EXOC6: variants seen among roughly 807,000 people sequenced by gnomAD.
EXOC6 encodes exocyst complex component 6.
A neutral mutation model predicts 112.5 loss-of-function variants in EXOC6; 60 were observed. That is an observed-to-expected ratio of 0.53 (90% CI 0.43 to 0.66). The LOEUF is 0.66. Ranked by LOEUF, EXOC6 falls within the 30% of genes least tolerant of loss-of-function variation. EXOC6 has a pLI of 0.00. For synonymous variants in EXOC6, 295 were observed against 308.0 expected, an observed-to-expected ratio of 0.96 and a Z score of 0.44; for missense variants, 855 against 957.1, an observed-to-expected ratio of 0.89 and a Z score of 1.41.
chr10:92,903,354 T>G (rs887797957), intron 5 of EXOC6, among the ~76,000 whole-genome samples: 1 of 151,736 alleles, frequency 6.6e-6, no homozygotes, highest in Non-Finnish European at 1.5e-5. Flanking sequence ...ACTGATTGTT[T>G]ATAGATCAGA....
At chr10:92,850,731 A>C (rs895488835) in intron 1 of EXOC6, among the ~76,000 whole-genome samples, 1 of 152,188 alleles carries the variant, frequency 6.6e-6, no homozygotes, top group Non-Finnish European at 1.5e-5. Flanking sequence ...CCAAGACATC[A>C]ATTTATTCAT....
At chr10:92,973,243 C>T (rs1842368304) in intron 17 of EXOC6, among the ~76,000 whole-genome samples, 1 of 152,176 alleles carries the variant, frequency 6.6e-6, no homozygotes, top group Non-Finnish European at 1.5e-5. Flanking sequence ...TCTGTTCTGT[C>T]TGCTTTGATA....
chr10:92,848,348 C>G (rs1282988694), upstream of EXOC6: 7 of 213,714 alleles, frequency 3.3e-5, no homozygotes, highest in Non-Finnish European at 5.7e-5. Context: ...ACAGCCCCCG[C>G]TCACTCCTGC....
At chr10:92,916,967 C>CT (rs1299919614) in intron 7 of EXOC6, among the ~76,000 whole-genome samples, 177 of 141,130 alleles carry the variant, frequency 1.3e-3, no homozygotes, top group Middle Eastern at 7.3e-3. Flanking sequence ...ATTTTTCTTT[C>CT]TTTTTTTTTT....
chr10:92,930,736 T>C lies in EXOC6; in HGVS notation c.972+2314T>C, dbSNP rs146539490. Among the ~76,000 whole-genome samples the C allele has an allele frequency of 3.3e-3, 502 of 152,220 alleles. 3 individuals are homozygous for C. The highest frequency in any genetic ancestry group is 0.011 in the African/African-American group (477 of 41,530). Reference sequence around the variant, plus strand: ...ATAATGTATTTATAGTATTTTCCTATGTGAGTTACATAAAGCATGAGCCAT... The same window carrying C: ...ATAATGTATTTATAGTATTTTCCTACGTGAGTTACATAAAGCATGAGCCAT... On this transcript the variant is annotated intron_variant, in intron 9 of 21. Transcript: ENST00000260762.
intron 1 of EXOC6, among the ~76,000 whole-genome samples, chr10:92,880,203 A>C (rs1033976): frequency 0.77 from 117,227 of 152,130 alleles, 46,071 homozygotes; most frequent in East Asian, 1. Flanking sequence ...CTATGCACAT[A>C]CTCCCATGTA....
At chr10:92,903,240 C>T (rs1393626668) in intron 5 of EXOC6, among the ~76,000 whole-genome samples, 1 of 152,154 alleles carries the variant, frequency 6.6e-6, no homozygotes, top group East Asian at 1.9e-4. Context: ...TTCATTTGCT[C>T]CACATCCTTG....
rs556658723 is a variant in EXOC6 at position 92,931,026 on chromosome 10, C to T, written c.972+2604C>T. Among the ~76,000 whole-genome samples the T allele has an allele frequency of 6.2e-5, 9 of 145,636 alleles. No homozygotes were observed. The East Asian group carries it at 1.5e-3, about 24-fold the overall frequency. ...ACTAGGGAGGCTGAGGCAGGAGAATCGCTTGAACCTGGGAGGTGGAGGTTG... is the reference window on the plus strand; with the variant it reads ...ACTAGGGAGGCTGAGGCAGGAGAATTGCTTGAACCTGGGAGGTGGAGGTTG... On this transcript the variant is annotated intron_variant, in intron 9 of 21. Coordinates refer to ENST00000260762, the MANE Select transcript of EXOC6 (RefSeq NM_019053.6).
At chr10:92,968,618 ATACAGTTCTT>A (rs1842162136) in intron 17 of EXOC6, among the ~76,000 whole-genome samples, 2 of 152,184 alleles carry the variant, frequency 1.3e-5, no homozygotes, top group Non-Finnish European at 2.9e-5. Flanking sequence ...AATAGTCTCC[ATACAGTTCTT>A]TTAGTAAGAC....
chr10:92,886,848 C>T (rs1266025246), intron 1 of EXOC6, among the ~76,000 whole-genome samples: 2 of 152,214 alleles, frequency 1.3e-5, no homozygotes, highest in East Asian at 3.8e-4. Flanking sequence ...TCTTCTCATT[C>T]ACAGTACTAA....
chr10:93,026,915 G>A (rs978020027), intron 20 of EXOC6, among the ~76,000 whole-genome samples: 1 of 152,146 alleles, frequency 6.6e-6, no homozygotes, highest in Non-Finnish European at 1.5e-5. Context: ...AGAGCCACAT[G>A]TCTCTCACAA....
At chr10:93,022,466 G>C (rs1590058683) in intron 20 of EXOC6, among the ~76,000 whole-genome samples, 1 of 151,982 alleles carries the variant, frequency 6.6e-6, no homozygotes, top group Admixed American at 6.6e-5. Flanking sequence ...TTTAAAAGGG[G>C]CTTAAAATAC....
chr10:92,828,537 T>A (rs938504901), intron 1 of EXOC6, among the ~76,000 whole-genome samples: 1 of 152,164 alleles, frequency 6.6e-6, no homozygotes. Flanking sequence ...TTTCACTATG[T>A]TGGCCAGGCT....
chr10:93,021,580 A>G (rs1309373001), intron 20 of EXOC6, among the ~76,000 whole-genome samples: 3 of 152,224 alleles, frequency 2.0e-5, no homozygotes, highest in South Asian at 2.1e-4. Context: ...CTTTAGAAGG[A>G]GTTCCCTCTG....
chr10:92,827,505 A>AAAAAAAAAAC (rs1846406143), intron 1 of EXOC6, among the ~76,000 whole-genome samples: 2 of 149,662 alleles, frequency 1.3e-5, no homozygotes, highest in Non-Finnish European at 3.0e-5. Flanking sequence ...AAAAAAAAAA[A>AAAAAAAAAAC]ATCCCCATGT....
At chr10:92,896,147 GTATA>G (rs1337829493) in intron 4 of EXOC6, among the ~76,000 whole-genome samples, 1,356 of 24,386 alleles carry the variant, frequency 0.056, 122 homozygotes, top group Middle Eastern at 0.1. Context: ...GTATGTATGT[GTATA>G]TATATATATA....
chr10:92,889,299 A>G (rs1323410591), intron 1 of EXOC6, among the ~76,000 whole-genome samples: 2 of 152,208 alleles, frequency 1.3e-5, no homozygotes, highest in African/African-American at 4.8e-5. Context: ...TAATGTAGAT[A>G]CTATTTTTTA....
At chr10:93,010,111 A>C (rs1844172582) in intron 19 of EXOC6, among the ~76,000 whole-genome samples, 1 of 152,230 alleles carries the variant, frequency 6.6e-6, no homozygotes, top group African/African-American at 2.4e-5. Context: ...TAAAGAAATA[A>C]AGGGAAAAAT....
intron 8 of EXOC6, among the ~76,000 whole-genome samples, chr10:92,920,899 C>G (rs1198490344): frequency 6.6e-6 from 1 of 152,090 alleles, no homozygotes; most frequent in Non-Finnish European, 1.5e-5. Context: ...ATTAGTATAG[C>G]CACTCCAGCT....
Sources: allele counts gnomAD v4.1 joint callset (sites outside exome capture counted in the v4.1 genomes callset), GRCh38; gene constraint gnomAD v4.1.1; transcripts MANE v1.5; gene names NCBI Gene and HGNC (gene_info 2026-07-23, HGNC 2026-07-21).